Variants in TMEM47 observed in about 807,000 individuals in gnomAD.
TMEM47 encodes the protein brain cell membrane protein 1.
A neutral mutation model predicts 12.4 loss-of-function variants in TMEM47; 3 were observed. That is an observed-to-expected ratio of 0.24 (90% CI 0.11 to 0.63). The LOEUF (loss-of-function observed/expected upper bound fraction) is 0.63. Among genes scored for constraint, TMEM47 ranks in the 20% least tolerant of loss-of-function variants. The pLI is 0.86. For missense variants in TMEM47, 89 were observed against 143.8 expected, an observed-to-expected ratio of 0.62 and a Z score of 1.95; for synonymous variants, 62 against 63.3, an observed-to-expected ratio of 0.98 and a Z score of 0.10.
At chrX:34,654,044 G>T (rs955192361) in intron 1 of TMEM47, among the ~76,000 whole-genome samples, 1 of 111,614 alleles carries the variant, frequency 9.0e-6, no homozygotes, top group Non-Finnish European at 1.9e-5. Flanking sequence ...AAGAGCTGAC[G>T]CAACCTTCAA....
intron 1 of TMEM47, among the ~76,000 whole-genome samples, chrX:34,642,369 G>T: frequency 8.9e-6 from 1 of 112,412 alleles, no homozygotes; most frequent in East Asian, 2.8e-4. Context: ...TATAGCGAGA[G>T]AAAATTCCAA....
chrX:34,655,817 C>T (rs1239091091), intron 1 of TMEM47, among the ~76,000 whole-genome samples: 1 of 110,212 alleles, frequency 9.1e-6, no homozygotes, highest in Non-Finnish European at 1.9e-5. Flanking sequence ...AGAAAATCGC[C>T]GGCAGGTCCT....
At chrX:34,656,220 A>C (rs1355085691) in intron 1 of TMEM47, among the ~76,000 whole-genome samples, 1 of 111,956 alleles carries the variant, frequency 8.9e-6, no homozygotes, top group Non-Finnish European at 1.9e-5. Context: ...AAGGAAAGGA[A>C]AACAAGCCTG....
intron 1 of TMEM47, among the ~76,000 whole-genome samples, chrX:34,646,870 G>A (rs770157860): frequency 3.6e-5 from 4 of 111,373 alleles, no homozygotes; most frequent in Non-Finnish European, 7.6e-5. Context: ...TTAATGCCCC[G>A]CTGCAGAAGT....
intron 2 of TMEM47, among the ~76,000 whole-genome samples, chrX:34,631,537 G>A (rs1261540022): frequency 9.0e-6 from 1 of 111,656 alleles, no homozygotes; most frequent in Non-Finnish European, 1.9e-5. Context: ...GAATTAAGTC[G>A]ATAAAGGCAA....
At chrX:34,631,408 C>T (rs1050353607) in intron 2 of TMEM47, among the ~76,000 whole-genome samples, 1 of 110,833 alleles carries the variant, frequency 9.0e-6, no homozygotes, top group Admixed American at 9.7e-5. Flanking sequence ...TTACTCTGAT[C>T]CAAAGCTACT....
At chrX:34,648,210 A>G (rs1490129633) in intron 1 of TMEM47, among the ~76,000 whole-genome samples, 1 of 112,090 alleles carries the variant, frequency 8.9e-6, no homozygotes, top group African/African-American at 3.2e-5. Context: ...TGGAACCAAA[A>G]AAAGAGCCCG....
intron 1 of TMEM47, among the ~76,000 whole-genome samples, chrX:34,648,784 G>A (rs778047390): frequency 8.9e-6 from 1 of 112,058 alleles, no homozygotes; most frequent in Non-Finnish European, 1.9e-5. Context: ...CAAAATATTT[G>A]CAAGCTATTC....
At chrX:34,647,572 T>C (rs971527724) in intron 1 of TMEM47, among the ~76,000 whole-genome samples, 1 of 111,388 alleles carries the variant, frequency 9.0e-6, no homozygotes, top group African/African-American at 3.3e-5. Flanking sequence ...GAATAGAAAA[T>C]TGATGATCTA....
At chrX:34,642,670 T>C in intron 1 of TMEM47, among the ~76,000 whole-genome samples, 1 of 112,211 alleles carries the variant, frequency 8.9e-6, no homozygotes, top group Non-Finnish European at 1.9e-5. Flanking sequence ...ATCATCAGCA[T>C]TACCACTGTT....
intron 2 of TMEM47, among the ~76,000 whole-genome samples, chrX:34,635,430 T>A (rs142767553): frequency 1.1e-3 from 124 of 111,187 alleles, no homozygotes; most frequent in African/African-American, 3.7e-3. Flanking sequence ...CGTCTCAGGG[T>A]TTGCTTCTGA....
chrX:34,641,055 C>CT (rs773066970), intron 1 of TMEM47, among the ~76,000 whole-genome samples: 1 of 104,014 alleles, frequency 9.6e-6, no homozygotes, highest in African/African-American at 3.6e-5. Flanking sequence ...CCATACTGGG[C>CT]TTTTTTATTC....
chrX:34,633,791 GA>G (rs1921667016), intron 2 of TMEM47, among the ~76,000 whole-genome samples: 2 of 110,748 alleles, frequency 1.8e-5, no homozygotes. Flanking sequence ...CCCTCTAGTG[GA>G]AAAATGGAAA....
chrX:34,651,238 G>T (rs1922012824), intron 1 of TMEM47, among the ~76,000 whole-genome samples: 1 of 111,934 alleles, frequency 8.9e-6, no homozygotes, highest in Admixed American at 9.5e-5. Flanking sequence ...TGATTTCTCA[G>T]CCTAGTTCAG....
Position 34,657,243 on chromosome X carries a change from G to A in TMEM47, c.-214C>T. The A allele has an allele frequency of 2.2e-6, 1 of 456,508 alleles. No individual in the cohort carries two copies. The highest frequency in any genetic ancestry group is 3.0e-6 in the Non-Finnish European group (1 of 328,609). The allele number at this position is 456,508 out of a possible 1,213,427, so 37.6% of individuals were successfully genotyped here. A position where few individuals can be genotyped will look rare whatever the true frequency, so the allele number is the denominator to read the frequency against. On this transcript the variant is annotated 5_prime_UTR_variant, in exon 1 of 3. Transcript: ENST00000275954. ...GGTCGTCGGCAGCCGCAGCGACGTC[G>A]ATTCCACCCCGGACCTTCGCCGCCG...
At chrX:34,635,233 C>T (rs949278000) in intron 2 of TMEM47, among the ~76,000 whole-genome samples, 4 of 111,878 alleles carry the variant, frequency 3.6e-5, no homozygotes, top group East Asian at 2.8e-4. Flanking sequence ...AGATTATTCT[C>T]GAGGTGCGTG....
chrX:34,651,413 G>A (rs1856918412), intron 1 of TMEM47, among the ~76,000 whole-genome samples: 1 of 112,101 alleles, frequency 8.9e-6, no homozygotes, highest in African/African-American at 3.2e-5. Flanking sequence ...TGCCAAACCT[G>A]TGAGCGAAAT....
At position 34,627,705 on chromosome X, in the gene TMEM47, A is replaced by G. The variant is rs1202196240; in HGVS notation, c.*2608T>C. On this transcript the variant is annotated 3_prime_UTR_variant, in exon 3 of 3. Coordinates refer to ENST00000275954, the MANE Select transcript of TMEM47 (RefSeq NM_031442.4). Reference sequence around the variant, plus strand: ...TATGTGTGTATATCTATATCTATAGATGTAGATCTATATCCATAGATATCT... The same window carrying G: ...TATGTGTGTATATCTATATCTATAGGTGTAGATCTATATCCATAGATATCT... 1 of 111,951 alleles carries G rather than the reference A, an allele frequency of 8.9e-6. No individual in the cohort carries two copies. The highest frequency in any genetic ancestry group is 1.9e-5 in the Non-Finnish European group (1 of 53,020). The allele number at this position is 111,951 out of a possible 1,213,427, so 9.2% of individuals were successfully genotyped here. A position where few individuals can be genotyped will look rare whatever the true frequency, so the allele number is the denominator to read the frequency against.
intron 2 of TMEM47, among the ~76,000 whole-genome samples, chrX:34,633,189 T>G (rs1921656353): frequency 8.9e-6 from 1 of 112,169 alleles, no homozygotes; most frequent in South Asian, 3.7e-4. Context: ...AGTCAGTCCA[T>G]TAGTAAACAA....
Sources: allele counts gnomAD v4.1 joint callset (sites outside exome capture counted in the v4.1 genomes callset), GRCh38; gene constraint gnomAD v4.1.1; transcripts MANE v1.5; gene names NCBI Gene and HGNC (gene_info 2026-07-23, HGNC 2026-07-21).